The following GRB14 variants were observed in gnomAD, a reference collection of about 807,000 sequenced individuals.
GRB14 encodes the protein growth factor receptor bound protein 14.
A neutral mutation model predicts 69.1 loss-of-function variants in GRB14; 38 were observed. The ratio of observed to expected loss-of-function variants is 0.55; its 90% CI spans 0.42 to 0.72. The LOEUF (loss-of-function observed/expected upper bound fraction) is 0.72, where lower values mean the gene tolerates loss of function less well. GRB14 is among the 30% of genes least tolerant of loss of function. The probability of loss-of-function intolerance (pLI) is 0.00; values close to 1 mark genes in which losing one functional copy is unlikely to be tolerated. For missense variants in GRB14, 666 were observed against 666.1 expected (o/e 1.00, Z 0.00); for synonymous variants, 247 against 241.3 (o/e 1.02, Z -0.22).
chr2:164,493,151 A>C lies in GRB14; in HGVS notation c.1508T>G (p.Leu503Arg). Residue 503 changes from leucine to arginine, a missense_variant, in exon 14 of 14, where the codon CTG (leucine) becomes CGG (arginine). Coordinates refer to ENST00000263915, the MANE Select transcript of GRB14 (RefSeq NM_004490.3). Reference sequence around the variant, plus strand: ...TGTAAATCTTGTGTGGCCATCATCCAGTGTGTGGAACATTTCACCGTCATC... The same window carrying C: ...TGTAAATCTTGTGTGGCCATCATCCCGTGTGTGGAACATTTCACCGTCATC... ...VEDDGEMFHT[L>R]DDGHTRFTDL... is the part of the protein sequence containing the mutation. The C allele has an allele frequency of 6.2e-7, 1 of 1,613,508 alleles. No individual in the cohort carries two copies. Among genetic ancestry groups the C allele is most frequent in the Non-Finnish European group, 8.5e-7 (1 of 1,179,664 alleles).
rs1335253255 is a variant in GRB14 at position 164,619,682 on chromosome 2, C to T, written c.324+5G>A. 1.9e-6 allele frequency: 3 copies of T among 1,571,486 alleles called. No individual in the cohort carries two copies. Among genetic ancestry groups the T allele is most frequent in the Non-Finnish European group, 2.6e-6 (3 of 1,164,806 alleles). ...TTTTGAAATTTAAAATTTAAAAATGCATACCTGTTTTTTCCTTGAATTTGC... is the reference window on the plus strand; with the variant it reads ...TTTTGAAATTTAAAATTTAAAAATGTATACCTGTTTTTTCCTTGAATTTGC... On this transcript the variant is annotated splice_donor_5th_base_variant and intron_variant, in intron 2 of 13. Coordinates refer to ENST00000263915, the MANE Select transcript of GRB14 (RefSeq NM_004490.3).
Position 164,610,102 on chromosome 2 carries a change from A to G in GRB14, c.324+9585T>C, listed in dbSNP as rs553528576. Among the ~76,000 whole-genome samples, 5 of 152,280 alleles carry G rather than the reference A, an allele frequency of 3.3e-5. No individual in the cohort carries two copies. The East Asian group carries it at 9.6e-4, about 29-fold the overall frequency. The stretch of plus-strand genomic sequence containing the variant: ...CAGGAAGTGAAAACTGATTCTCTTA[A>G]ATCTATGTTTGACAACCCTTGGAAA... On this transcript the variant is annotated intron_variant, in intron 2 of 13. Coordinates refer to ENST00000263915, the MANE Select transcript of GRB14 (RefSeq NM_004490.3).
chr2:164,549,069 C>T (rs1227355989), intron 2 of GRB14, among the ~76,000 whole-genome samples: 6 of 151,702 alleles, frequency 4.0e-5, no homozygotes, highest in South Asian at 2.1e-4. Context: ...TTAGTAGAGA[C>T]GGGCTTTCGC....
At chr2:164,576,736 C>T (rs762209299) in intron 2 of GRB14, among the ~76,000 whole-genome samples, 10 of 150,526 alleles carry the variant, frequency 6.6e-5, no homozygotes, top group Non-Finnish European at 1.2e-4. Flanking sequence ...AATTTACTAA[C>T]ATCCCAAAAT....
Position 164,493,005 on chromosome 2 carries a change from T to G in GRB14, c.*31A>C. 1.3e-6 allele frequency: 2 copies of G among 1,585,512 alleles called. No homozygotes were observed. The highest frequency in any genetic ancestry group is 1.7e-6 in the Non-Finnish European group (2 of 1,166,100). On this transcript the variant is annotated 3_prime_UTR_variant, in exon 14 of 14. Transcript: ENST00000263915. ...ATTATTTTTCTTGAGTCCTTTTCCT[T>G]CAATAGTTTAATAAGTCACTTCTGG...
intron 3 of GRB14, among the ~76,000 whole-genome samples, chr2:164,542,862 T>C (rs987515708): frequency 1.3e-5 from 2 of 152,152 alleles, no homozygotes; most frequent in Non-Finnish European, 2.9e-5. Context: ...AAAAGAACTA[T>C]CATCCAACCC....
intron 2 of GRB14, among the ~76,000 whole-genome samples, chr2:164,586,566 C>T (rs761141152): frequency 1.3e-5 from 2 of 152,256 alleles, no homozygotes; most frequent in South Asian, 2.1e-4. Context: ...TGCTTTGACT[C>T]GTTTCTATGT....
rs148722693 is a variant in GRB14 at position 164,547,564 on chromosome 2, C to T, written c.481+96G>A. The T allele has an allele frequency of 1.7e-3, 1,719 of 995,978 alleles. 3 individuals are homozygous for T. Among genetic ancestry groups the T allele is most frequent in the Non-Finnish European group, 2.3e-3 (1,595 of 686,846 alleles). 61.7% of individuals were successfully genotyped at this position (995,978 alleles called of 1,614,324 possible). ...TCACCTACAAGATATAGAAAATTAT[C>T]TCAAAACACCAAATCTAAGAATTAT... On this transcript the variant is annotated intron_variant, in intron 3 of 13. Transcript: ENST00000263915.
chr2:164,613,838 T>C (rs1690222170), intron 2 of GRB14, among the ~76,000 whole-genome samples: 1 of 152,208 alleles, frequency 6.6e-6, no homozygotes, highest in Non-Finnish European at 1.5e-5. Context: ...AGGCCATTTG[T>C]AACATACTCA....
intron 2 of GRB14, among the ~76,000 whole-genome samples, chr2:164,564,714 CAT>C (rs1244404306): frequency 6.6e-6 from 1 of 152,052 alleles, no homozygotes; most frequent in African/African-American, 2.4e-5. Context: ...TGTTTGCAAA[CAT>C]AACTTAAAAA....
intron 2 of GRB14, among the ~76,000 whole-genome samples, chr2:164,610,339 AG>A (rs1558883151): frequency 6.6e-6 from 1 of 152,156 alleles, no homozygotes; most frequent in African/African-American, 2.4e-5. Context: ...GTAAACTTAA[AG>A]AAAGTATAGC....
At chr2:164,539,785 C>A (rs1411774620) in intron 3 of GRB14, 1 of 152,092 alleles carries the variant, frequency 6.6e-6, no homozygotes, top group African/African-American at 2.4e-5. Flanking sequence ...CTCAGGATCT[C>A]ACAAACACTA....
intron 2 of GRB14, chr2:164,568,271 C>T (rs899315194): frequency 8.3e-7 from 1 of 1,202,908 alleles, no homozygotes; most frequent in African/African-American, 1.6e-5. Flanking sequence ...GGAAAAAAAG[C>T]AGCAAGAAAA....
chr2:164,527,847 A>G (rs1687821623), intron 3 of GRB14, among the ~76,000 whole-genome samples: 1 of 152,070 alleles, frequency 6.6e-6, no homozygotes, highest in African/African-American at 2.4e-5. Flanking sequence ...AGAGGTGACT[A>G]TAACATGCGA....
intron 2 of GRB14, among the ~76,000 whole-genome samples, chr2:164,582,055 C>T (rs1014132222): frequency 6.6e-6 from 1 of 152,266 alleles, no homozygotes; most frequent in South Asian, 2.1e-4. Context: ...GAAAGATGTT[C>T]CCAAATTTTT....
At chr2:164,573,192 A>G (rs1316457209) in intron 2 of GRB14, among the ~76,000 whole-genome samples, 1 of 152,230 alleles carries the variant, frequency 6.6e-6, no homozygotes, top group Non-Finnish European at 1.5e-5. Flanking sequence ...CAACACAAAT[A>G]TAATCCTTAA....
At chr2:164,584,638 C>G (rs1451891428) in intron 2 of GRB14, among the ~76,000 whole-genome samples, 5 of 152,028 alleles carry the variant, frequency 3.3e-5, no homozygotes, top group African/African-American at 9.6e-5. Flanking sequence ...CTAAATATCA[C>G]CATTGCAAAA....
Position 164,497,288 on chromosome 2 carries a change from G to A in GRB14, c.1222-5C>T, listed in dbSNP as rs762322669. On this transcript the variant is annotated splice_polypyrimidine_tract_variant and splice_region_variant and intron_variant, in intron 10 of 13. Coordinates refer to ENST00000263915, the MANE Select transcript of GRB14 (RefSeq NM_004490.3). ...CAGGCGTAAACATCCTTTTTTCTGA[G>A]CAAGGAAGGAGAAAACAAATCTCAA... 9.9e-6 allele frequency: 16 copies of A among 1,611,112 alleles called. No individual in the cohort carries two copies. The highest frequency in any genetic ancestry group is 5.1e-5 in the Admixed American group (3 of 59,370).
intron 2 of GRB14, among the ~76,000 whole-genome samples, chr2:164,603,649 T>A (rs1209324985): frequency 7.5e-6 from 1 of 133,604 alleles, no homozygotes; most frequent in Non-Finnish European, 1.6e-5. Context: ...GGTGACAGAG[T>A]GAGACACCAC....
Sources: gnomAD v4.1 joint callset for allele counts (sites outside exome capture counted in the v4.1 genomes callset) on GRCh38, gnomAD v4.1.1 for gene constraint, MANE v1.5 for transcripts, NCBI Gene and HGNC (gene_info 2026-07-23, HGNC 2026-07-21) for gene names.